The following TYW1B variants were observed in gnomAD, a reference collection of about 807,000 sequenced individuals.
TYW1B encodes the protein S-adenosyl-L-methionine-dependent tRNA 4-demethylwyosine synthase TYW1B.
In TYW1B, 73 loss-of-function variants were observed where a neutral mutation model predicts 86.9. The ratio of observed to expected loss-of-function variants is 0.84; its 90% CI spans 0.70 to 1.02. TYW1B has a LOEUF of 1.02. Ranked by LOEUF, TYW1B falls within the 50% of genes least tolerant of loss-of-function variation. The pLI is 0.00. For missense variants in TYW1B, 637 were observed against 827.4 expected (o/e 0.77, Z 2.82); for synonymous variants, 248 against 292.8 (o/e 0.85, Z 1.56).
intron 10 of TYW1B, among the ~76,000 whole-genome samples, chr7:72,701,698 T>C (rs186723357): frequency 6.6e-6 from 1 of 152,306 alleles, no homozygotes; most frequent in Non-Finnish European, 1.5e-5. Context: ...TGCTGTTTGT[T>C]GTGTTTATTT....
chr7:72,814,099 T>C (rs1220347225), intron 3 of TYW1B, among the ~76,000 whole-genome samples: 1 of 152,062 alleles, frequency 6.6e-6, no homozygotes, highest in Non-Finnish European at 1.5e-5. Context: ...CCATACTCTC[T>C]GCTCTTGACC....
chr7:72,612,641 G>C (rs3015924), intron 13 of TYW1B, among the ~76,000 whole-genome samples: 68,496 of 152,028 alleles, frequency 0.45, 17,512 homozygotes, highest in African/African-American at 0.7. Context: ...CCAAGTGTGA[G>C]ACTCTGAAAA....
At chr7:72,728,389 C>T (rs1419414375) in intron 9 of TYW1B, among the ~76,000 whole-genome samples, 1 of 151,944 alleles carries the variant, frequency 6.6e-6, no homozygotes, top group African/African-American at 2.4e-5. Context: ...TCACTGCAAC[C>T]TCTGCCTCCC....
At position 72,621,148 on chromosome 7, in the gene TYW1B, GTC is replaced by G. The variant is rs1812203886; in HGVS notation, c.1618-4311_1618-4310del. Among the ~76,000 whole-genome samples, 4 of 152,242 alleles carry G rather than the reference GTC, an allele frequency of 2.6e-5. No homozygotes were observed. The South Asian group carries it at 8.3e-4, about 32-fold the overall frequency. On this transcript the variant is annotated intron_variant, in intron 12 of 13. Coordinates refer to ENST00000620995, the MANE Select transcript of TYW1B (RefSeq NM_001145440.3). ...TCACAAGGACAATGTCCATCTGTCT[GTC>G]TCTCTGTCCGTCTGTCTGTCTCTCT...
At chr7:72,674,048 G>GCAT (rs1490620998) in intron 11 of TYW1B, among the ~76,000 whole-genome samples, 1 of 151,996 alleles carries the variant, frequency 6.6e-6, no homozygotes, top group African/African-American at 2.4e-5. Context: ...TTCCCTGTGG[G>GCAT]CATCATACAG....
chr7:72,588,961 T>C (rs1811336188), intron 13 of TYW1B, among the ~76,000 whole-genome samples: 2 of 152,066 alleles, frequency 1.3e-5, no homozygotes, highest in African/African-American at 4.8e-5. Flanking sequence ...TACAGGCAAG[T>C]GCCACCATGC....
At chr7:72,662,726 A>T (rs1435455340) in intron 11 of TYW1B, among the ~76,000 whole-genome samples, 8 of 151,988 alleles carry the variant, frequency 5.3e-5, no homozygotes, top group Admixed American at 3.3e-4. Context: ...TAATGGCATA[A>T]TTTTTTTTAT....
chr7:72,682,928 T>C lies in TYW1B; in HGVS notation c.1506+11759A>G, dbSNP rs527320771. On this transcript the variant is annotated intron_variant, in intron 11 of 13. Transcript: ENST00000620995. ...GCCCTACACTTTTGTGAGTTTTACCTACTGGAGCTCTGCCAGATTCTCACA... is the reference window on the plus strand; with the variant it reads ...GCCCTACACTTTTGTGAGTTTTACCCACTGGAGCTCTGCCAGATTCTCACA... Among the ~76,000 whole-genome samples the C allele has an allele frequency of 4.6e-5, 7 of 152,332 alleles. No individual in the cohort carries two copies. In the East Asian group the frequency reaches 1.4e-3, roughly 29 times the overall value.
At chr7:72,678,794 C>A (rs554863960) in intron 11 of TYW1B, among the ~76,000 whole-genome samples, 1 of 152,050 alleles carries the variant, frequency 6.6e-6, no homozygotes, top group Admixed American at 6.6e-5. Context: ...CCTGCCTCAG[C>A]CTCCCAAAGT....
chr7:72,715,486 C>T (rs2129570754), intron 9 of TYW1B, among the ~76,000 whole-genome samples: 1 of 152,168 alleles, frequency 6.6e-6, no homozygotes, highest in South Asian at 2.1e-4. Context: ...TTCAGTCTAA[C>T]AGAGAATGTG....
chr7:72,799,686 C>T (rs1321786560), intron 6 of TYW1B, among the ~76,000 whole-genome samples: 1 of 151,854 alleles, frequency 6.6e-6, no homozygotes, highest in African/African-American at 2.4e-5. Flanking sequence ...AGGATGATCT[C>T]GATCACCTGA....
chr7:72,732,129 T>C (rs1787123809), intron 8 of TYW1B, among the ~76,000 whole-genome samples: 1 of 152,114 alleles, frequency 6.6e-6, no homozygotes, highest in Admixed American at 6.6e-5. Context: ...AGCACTGAGA[T>C]ATAAAGCAAA....
intron 13 of TYW1B, among the ~76,000 whole-genome samples, chr7:72,590,420 A>G (rs36014471): frequency 0.024 from 2,888 of 118,320 alleles, no homozygotes; most frequent in African/African-American, 0.044. Flanking sequence ...GCCCCTCCCC[A>G]TCTAGCTTAA....
chr7:72,619,514 G>A (rs1484215175), intron 12 of TYW1B, among the ~76,000 whole-genome samples: 28 of 151,738 alleles, frequency 1.8e-4, no homozygotes, highest in African/African-American at 4.6e-4. Context: ...GGTGGCGGGC[G>A]CCTGTAGTCC....
At chr7:72,809,637 G>A (rs1419825582) in intron 4 of TYW1B, among the ~76,000 whole-genome samples, 2 of 151,538 alleles carry the variant, frequency 1.3e-5, no homozygotes, top group African/African-American at 4.9e-5. Flanking sequence ...GGATGACAAA[G>A]CAAGACCCTG....
In TYW1B at chr7:72,807,261, G is replaced by C; in HGVS notation, c.528C>G (p.His176Gln). Residue 176 changes from histidine (H) to glutamine (Q), a missense_variant, in exon 5 of 14, where the codon CAC (histidine) becomes CAG (glutamine). His to Gln is a conservative substitution (Grantham distance 24). Transcript: ENST00000620995. ...CTCTGAAGTTGGCCTCAATGCTGCC[G>C]TGCTTGCTTTTAACCACGTCGCAGT... is the stretch of plus-strand genomic sequence containing the variant. ...EGDCDVVKSK[H>Q]GSIEANFRAW... is the part of the protein sequence containing the mutation. The C allele has an allele frequency of 6.2e-7, 1 of 1,614,156 alleles. No homozygotes were observed. Among genetic ancestry groups the C allele is most frequent in the South Asian group, 1.1e-5 (1 of 91,080 alleles).
At chr7:72,797,559 AAT>A (rs1788325688) in intron 6 of TYW1B, among the ~76,000 whole-genome samples, 1 of 152,102 alleles carries the variant, frequency 6.6e-6, no homozygotes, top group South Asian at 2.1e-4. Flanking sequence ...TCTAGAAAGA[AAT>A]TTAAAATGAC....
At chr7:72,754,202 C>T (rs1404647135) in intron 7 of TYW1B, among the ~76,000 whole-genome samples, 1 of 152,008 alleles carries the variant, frequency 6.6e-6, no homozygotes, top group Admixed American at 6.6e-5. Context: ...TGTGGTGGCA[C>T]GATCTCGGCT....
intron 7 of TYW1B, among the ~76,000 whole-genome samples, chr7:72,774,232 G>T (rs1322108914): frequency 3.6e-4 from 55 of 152,060 alleles, no homozygotes; most frequent in Middle Eastern, 3.4e-3. Context: ...GATGCACAAG[G>T]CATTAGGTAG....
Sources: gnomAD v4.1 joint callset for allele counts (sites outside exome capture counted in the v4.1 genomes callset) on GRCh38, gnomAD v4.1.1 for gene constraint, MANE v1.5 for transcripts, NCBI Gene and HGNC (gene_info 2026-07-23, HGNC 2026-07-21) for gene names.